Variants in P4HB observed in about 807,000 individuals in gnomAD.
P4HB encodes the protein protein disulfide-isomerase.
P4HB carries 20 observed loss-of-function variants against 52.6 expected under a neutral mutation model. The ratio of observed to expected loss-of-function variants is 0.38; its 90% confidence interval spans 0.27 to 0.55. The LOEUF is 0.55. Among genes scored for constraint, P4HB ranks in the 20% least tolerant of loss-of-function variants. The pLI, the probability that P4HB is intolerant of heterozygous loss-of-function variation, is 0.74. For missense variants in P4HB, 601 were observed against 669.2 expected (o/e 0.90, Z 1.12); for synonymous variants, 296 against 277.9 (o/e 1.07, Z -0.65).
intron 1 of P4HB, 94 bp from the exon 2 acceptor site, chr17:81,859,481 C>T: frequency 1.8e-6 from 2 of 1,131,260 alleles, no homozygotes; most frequent in Non-Finnish European, 2.6e-6. Context: ...TGGCATTTCC[C>T]TTCATAAAAA....
At position 81,855,545 on chromosome 17, in the gene P4HB, G is replaced by A. The variant is rs777670939; in HGVS notation, c.394C>T (p.Arg132Cys). The change falls in exon 3 of 11, where the codon CGC becomes TGC. Residue 132 changes from arginine (R) to cysteine (C), a missense_variant. Physicochemically the swap from Arg to Cys is radical, Grantham distance 180 (BLOSUM62 -3). Coordinates refer to ENST00000331483, the MANE Select transcript of P4HB (RefSeq NM_000918.4). This position sits in a 1 kb window ranked among gnomAD's most constrained non-coding sequence, Gnocchi z 4.3. Reference sequence around the variant, plus strand: ...AGGGTGGTGGCAGCCGGGCCCGTGCGCTTCTTCAGCCAGTTCACGATGTCA... The same window carrying A: ...AGGGTGGTGGCAGCCGGGCCCGTGCACTTCTTCAGCCAGTTCACGATGTCA... ...ADDIVNWLKKRTGPAATTLPD... is the reference protein window; with the variant it reads ...ADDIVNWLKKCTGPAATTLPD... The A allele has an allele frequency of 1.1e-5, 17 of 1,613,852 alleles. No individual in the cohort carries two copies. Among genetic ancestry groups the A allele is most frequent in the African/African-American group, 4.0e-5 (3 of 74,940 alleles).
chr17:81,853,742 T>C (rs1392257068), intron 4 of P4HB, among the ~76,000 whole-genome samples: 1 of 151,996 alleles, frequency 6.6e-6, no homozygotes, highest in East Asian at 1.9e-4. Flanking sequence ...GAAGGTCCGA[T>C]CGCCCCCGGC....
chr17:81,855,062 T>C lies in P4HB; in HGVS notation c.624+80A>G, dbSNP rs1468465808. On this transcript the variant is annotated intron_variant, in intron 4 of 10. Coordinates refer to ENST00000331483, the MANE Select transcript of P4HB (RefSeq NM_000918.4). This position sits in a 1 kb window ranked among gnomAD's most constrained non-coding sequence, Gnocchi z 4.3. ...CAAAGGTGCCAGGAGCAAGGTTCCC[T>C]TAACGATAAGGAGAGCAACGCCACC... is the stretch of plus-strand genomic sequence containing the variant. 1.4e-6 allele frequency: 2 copies of C among 1,430,048 alleles called. No homozygotes were observed. Among genetic ancestry groups the C allele is most frequent in the East Asian group, 2.3e-5 (1 of 43,772 alleles). The allele number at this position is 1,430,048 out of a possible 1,614,324, so 88.6% of individuals were successfully genotyped here. A position where few individuals can be genotyped will look rare whatever the true frequency, so the allele number is the denominator to read the frequency against.
At chr17:81,847,406 C>T in intron 4 of P4HB, 59 bp from the exon 5 acceptor site, 1 of 1,444,124 alleles carries the variant, frequency 6.9e-7, no homozygotes, top group Non-Finnish European at 9.8e-7. Flanking sequence ...GCCCCTGGGC[C>T]CGGGTCTCCC....
Position 81,845,593 on chromosome 17 carries a change from G to T in P4HB, c.1327C>A (p.Leu443Ile). ...EAVKVHSFPT[L>I]KFFPASADRT... ...TCGGCACTGGCAGGAAAGAACTTGA[G>T]TGTGGGGAAGCTGTGCACTTTGACG... Residue 443 changes from leucine to isoleucine, a missense_variant, in exon 9 of 11, where the codon CTC becomes ATC. Coordinates refer to ENST00000331483, the MANE Select transcript of P4HB (RefSeq NM_000918.4). 6.2e-7 allele frequency: 1 copy of T among 1,610,258 alleles called. No individual in the cohort carries two copies. Among genetic ancestry groups the T allele is most frequent in the East Asian group, 2.2e-5 (1 of 44,768 alleles).
In P4HB at chr17:81,855,693, A is replaced by C. The variant is rs1006424489; in HGVS notation, c.353-107T>G. 19 of 1,317,454 alleles carry C rather than the reference A, an allele frequency of 1.4e-5. No individual in the cohort carries two copies. Among genetic ancestry groups the C allele is most frequent in the Non-Finnish European group, 1.9e-5 (18 of 966,276 alleles). The allele number at this position is 1,317,454 out of a possible 1,614,324, so 81.6% of individuals were successfully genotyped here. The stretch of plus-strand genomic sequence containing the variant: ...TGCCAGCCAGGCTGAGGACACCTGA[A>C]TCAACCTAAGTAAGATGTTCTCCCA... On this transcript the variant is annotated intron_variant, in intron 2 of 10. Transcript: ENST00000331483. This position sits in a 1 kb window ranked among gnomAD's most constrained non-coding sequence, Gnocchi z 4.3.
rs199652113 is a variant in P4HB, at chr17:81,846,492, C to A, written c.993G>T (p.Ser331=). ...EEEMTKYKPE[S]EELTAERITE... ...TGATCCTCTCTGCCGTCAGCTCCTC[C>A]GATTCGGGCTTGTACTTGGTCATCT... Residue 331 remains serine (S), a synonymous_variant, in exon 7 of 11, where the codon TCG becomes TCT. Transcript: ENST00000331483. This position sits in a 1 kb window ranked among gnomAD's most constrained non-coding sequence, Gnocchi z 5.7. 3 of 1,613,944 alleles carry A rather than the reference C, an allele frequency of 1.9e-6. No homozygotes were observed. The highest frequency in any genetic ancestry group is 2.5e-6 in the Non-Finnish European group (3 of 1,180,028).
intron 2 of P4HB, among the ~76,000 whole-genome samples, chr17:81,858,560 T>C (rs2038950044): frequency 6.6e-6 from 1 of 152,146 alleles, no homozygotes; most frequent in African/African-American, 2.4e-5. Context: ...CCGTCACTGA[T>C]CTGGCTACAC....
intron 4 of P4HB, among the ~76,000 whole-genome samples, chr17:81,851,745 C>T (rs910600668): frequency 1.3e-5 from 2 of 152,268 alleles, no homozygotes; most frequent in Non-Finnish European, 2.9e-5. Context: ...ACTGCCGCAG[C>T]TGTCCCAGGG....
At chr17:81,857,689 GGAA>G (rs1444400971) in intron 2 of P4HB, among the ~76,000 whole-genome samples, 1 of 152,164 alleles carries the variant, frequency 6.6e-6, no homozygotes, top group Non-Finnish European at 1.5e-5. Flanking sequence ...TCCCAGACCA[GGAA>G]GAAGATGACA....
At chr17:81,854,818 G>A (rs529615264) in intron 4 of P4HB, among the ~76,000 whole-genome samples, 39 of 150,264 alleles carry the variant, frequency 2.6e-4, no homozygotes, top group Non-Finnish European at 4.0e-4. Context: ...CTCCAGCATG[G>A]GTGACAGAGC....
At chr17:81,849,522 G>T (rs1236588437) in intron 4 of P4HB, among the ~76,000 whole-genome samples, 1 of 151,116 alleles carries the variant, frequency 6.6e-6, no homozygotes, top group African/African-American at 2.4e-5. Context: ...AATAAATAGA[G>T]AGAAAAAAAC....
intron 4 of P4HB, among the ~76,000 whole-genome samples, chr17:81,851,230 T>G (rs1263118894): frequency 6.6e-6 from 1 of 152,208 alleles, no homozygotes; most frequent in African/African-American, 2.4e-5. Context: ...GCACCCGGCC[T>G]CCTCAAACTT....
In P4HB at chr17:81,843,657, C is replaced by G; in HGVS notation, c.*355G>C. On this transcript the variant is annotated 3_prime_UTR_variant, in exon 11 of 11. Coordinates refer to ENST00000331483, the MANE Select transcript of P4HB (RefSeq NM_000918.4). ...GAAAAATGTCTAAAAATCCCACAGA[C>G]GGAATTTTCAAAAAGAGGAGAAACC... 2.2e-6 allele frequency: 1 copy of G among 455,722 alleles called. No individual in the cohort carries two copies. The highest frequency in any genetic ancestry group is 3.9e-6 in the Non-Finnish European group (1 of 259,054). 28.2% of individuals were successfully genotyped at this position (455,722 alleles called of 1,614,324 possible).
chr17:81,849,053 A>T (rs2038785751), intron 4 of P4HB, among the ~76,000 whole-genome samples: 1 of 151,590 alleles, frequency 6.6e-6, no homozygotes, highest in African/African-American at 2.4e-5. Context: ...CTCAAAAAAA[A>T]AAAAAAATAC....
chr17:81,855,708 A>G lies in P4HB; in HGVS notation c.353-122T>C. 1 of 1,166,352 alleles carries G rather than the reference A, an allele frequency of 8.6e-7. No individual in the cohort carries two copies. The highest frequency in any genetic ancestry group is 1.2e-6 in the Non-Finnish European group (1 of 841,764). The allele number at this position is 1,166,352 out of a possible 1,614,324, so 72.3% of individuals were successfully genotyped here. On this transcript the variant is annotated intron_variant, in intron 2 of 10. Coordinates refer to ENST00000331483, the MANE Select transcript of P4HB (RefSeq NM_000918.4). The surrounding 1 kb of genome is among the most constrained non-coding windows in gnomAD (Gnocchi z 4.3). ...GGACACCTGAATCAACCTAAGTAAGATGTTCTCCCACCATGGAAGAGGCCC... is the reference window on the plus strand; with the variant it reads ...GGACACCTGAATCAACCTAAGTAAGGTGTTCTCCCACCATGGAAGAGGCCC...
chr17:81,849,289 G>A (rs2038790468), intron 4 of P4HB, among the ~76,000 whole-genome samples: 1 of 152,008 alleles, frequency 6.6e-6, no homozygotes, highest in Non-Finnish European at 1.5e-5. Context: ...GAAGCCAGGA[G>A]TTTCAGAGCA....
rs374510839 is a variant in P4HB, at chr17:81,843,321, G to A, written c.*691C>T. On this transcript the variant is annotated 3_prime_UTR_variant, in exon 11 of 11. Transcript: ENST00000331483. ...TTCTGCCTTGAACAGGCCACAGGCC[G>A]TGCTGTAGAGAGGCCAGTGGTCACA... 44 of 395,852 alleles carry A rather than the reference G, an allele frequency of 1.1e-4. No individual in the cohort carries two copies. Among genetic ancestry groups the A allele is most frequent in the Middle Eastern group, 6.4e-4 (1 of 1,568 alleles). The allele number at this position is 395,852 out of a possible 1,614,324, so 24.5% of individuals were successfully genotyped here. A position where few individuals can be genotyped will look rare whatever the true frequency, so the allele number is the denominator to read the frequency against.
intron 2 of P4HB, chr17:81,858,843 G>C: frequency 3.5e-6 from 1 of 281,754 alleles, no homozygotes. Context: ...CAGCCATGCT[G>C]CTGCTCCTAG....
Sources: allele counts gnomAD v4.1 joint callset (sites outside exome capture counted in the v4.1 genomes callset), GRCh38; gene constraint gnomAD v4.1.1; non-coding constraint Gnocchi (gnomAD v3.1); transcripts MANE v1.5; gene names NCBI Gene and HGNC (gene_info 2026-07-23, HGNC 2026-07-21).